Variants in ITGBL1 observed in about 807,000 individuals in gnomAD.
ITGBL1 encodes the protein integrin beta-like protein 1.
ITGBL1 carries 51 observed loss-of-function variants against 68.5 expected under a neutral mutation model. The ratio of observed to expected loss-of-function variants is 0.74; its 90% CI spans 0.59 to 0.94. The LOEUF is 0.94. Ranked by LOEUF, ITGBL1 falls within the 40% of genes least tolerant of loss-of-function variation. ITGBL1 has a pLI of 0.00. For synonymous variants in ITGBL1, 209 were observed against 227.3 expected, an observed-to-expected ratio of 0.92 and a Z score of 0.72; for missense variants, 649 against 647.4, an observed-to-expected ratio of 1.00 and a Z score of -0.03.
chr13:101,554,347 C>T (rs1038105085), intron 2 of ITGBL1, among the ~76,000 whole-genome samples: 1 of 152,132 alleles, frequency 6.6e-6, no homozygotes, highest in African/African-American at 2.4e-5. Flanking sequence ...AGACAATAAT[C>T]CTTGGGAGTA....
intron 2 of ITGBL1, among the ~76,000 whole-genome samples, chr13:101,490,575 A>G (rs1411241212): frequency 2.0e-5 from 3 of 152,208 alleles, no homozygotes; most frequent in Non-Finnish European, 2.9e-5. Context: ...GCCTGGGATT[A>G]TCTTGTGGGT....
In ITGBL1 at chr13:101,599,004, T is replaced by C. The variant is rs143796052; in HGVS notation, c.1015+705T>C. 4.0e-3 allele frequency among the ~76,000 whole-genome samples: 606 copies of C among 152,318 alleles called. 3 individuals carry two copies. Among genetic ancestry groups the C allele is most frequent in the Non-Finnish European group, 6.5e-3 (440 of 68,040 alleles). Reference sequence around the variant, plus strand: ...TTTCTAGTTCTAGATCCCTGAGGAATTGTCACACCGACTTCCACAAAGGTT... The same window carrying C: ...TTTCTAGTTCTAGATCCCTGAGGAACTGTCACACCGACTTCCACAAAGGTT... On this transcript the variant is annotated intron_variant, in intron 7 of 10. Coordinates refer to ENST00000376180, the MANE Select transcript of ITGBL1 (RefSeq NM_004791.3).
intron 6 of ITGBL1, among the ~76,000 whole-genome samples, chr13:101,597,797 C>G (rs1442218225): frequency 6.6e-6 from 1 of 152,026 alleles, no homozygotes; most frequent in African/African-American, 2.4e-5. Flanking sequence ...CGTGATCTTC[C>G]CTCCTCGCCC....
chr13:101,458,520 A>G (rs545680112), intron 2 of ITGBL1, among the ~76,000 whole-genome samples: 1 of 152,180 alleles, frequency 6.6e-6, no homozygotes, highest in Non-Finnish European at 1.5e-5. Flanking sequence ...TAAGAGTCCA[A>G]ATATAGGAGT....
chr13:101,598,029 A>T, intron 6 of ITGBL1, 124 bp from the exon 7 acceptor site: 2 of 847,882 alleles, frequency 2.4e-6, no homozygotes, highest in Non-Finnish European at 3.5e-6. Context: ...CGTTTGCCTT[A>T]ATATGTTATA....
rs975846404 is a variant in ITGBL1, at chr13:101,453,914, C to T, written c.130C>T (p.Arg44Trp). Residue 44 changes from arginine (R) to tryptophan (W), a missense_variant, in exon 2 of 11, where the codon CGG becomes TGG. By Grantham distance (101) the Arg-to-Trp change is moderately radical (BLOSUM62 -3). Transcript: ENST00000376180. ...SWPGAACRLSRAESERRCRAP... is the reference protein window; with the variant it reads ...SWPGAACRLSWAESERRCRAP... ...GCCGGGCGCCGCCTGCAGGCTGTCC[C>T]GGGCCGAGTCGGAGCGACGCTGCCG... 4 of 1,317,216 alleles carry T rather than the reference C, an allele frequency of 3.0e-6. No homozygotes were observed. Among genetic ancestry groups the T allele is most frequent in the Non-Finnish European group, 2.9e-6 (3 of 1,034,034 alleles). The allele number at this position is 1,317,216 out of a possible 1,614,324, so 81.6% of individuals were successfully genotyped here. A position where few individuals can be genotyped will look rare whatever the true frequency, so the allele number is the denominator to read the frequency against.
chr13:101,463,461 A>G (rs1244249774), intron 2 of ITGBL1, among the ~76,000 whole-genome samples: 1 of 152,240 alleles, frequency 6.6e-6, no homozygotes, highest in East Asian at 1.9e-4. Flanking sequence ...CCTGTCCCTG[A>G]AATCTGTACC....
chr13:101,665,403 A>G (rs2033191000), intron 7 of ITGBL1, among the ~76,000 whole-genome samples: 1 of 151,990 alleles, frequency 6.6e-6, no homozygotes, highest in African/African-American at 2.4e-5. Flanking sequence ...ACATAATTTT[A>G]AAAATTTATA....
chr13:101,640,108 T>A (rs973955691), intron 7 of ITGBL1, among the ~76,000 whole-genome samples: 1 of 152,168 alleles, frequency 6.6e-6, no homozygotes, highest in African/African-American at 2.4e-5. Context: ...ACACACTAAT[T>A]TTTGAATCAA....
intron 7 of ITGBL1, among the ~76,000 whole-genome samples, chr13:101,627,440 G>A (rs2031825594): frequency 6.6e-6 from 1 of 151,908 alleles, no homozygotes; most frequent in Non-Finnish European, 1.5e-5. Flanking sequence ...TACAAGTCAG[G>A]AACCTACATT....
At chr13:101,616,544 G>A (rs184036191) in intron 7 of ITGBL1, among the ~76,000 whole-genome samples, 49 of 152,094 alleles carry the variant, frequency 3.2e-4, no homozygotes, top group South Asian at 1.0e-3. Context: ...AGGCTGGAGT[G>A]CAGTGGCGCT....
At chr13:101,593,342 T>C (rs1381089728) in intron 6 of ITGBL1, among the ~76,000 whole-genome samples, 1 of 152,034 alleles carries the variant, frequency 6.6e-6, no homozygotes, top group African/African-American at 2.4e-5. Context: ...GTATAGTCAC[T>C]ATGGAAAACT....
At chr13:101,692,966 G>A (rs933269081) in intron 8 of ITGBL1, 3 of 304,312 alleles carry the variant, frequency 9.9e-6, no homozygotes, top group African/African-American at 2.2e-5. Context: ...CTTTATGATC[G>A]TGAAAGGTTT....
intron 7 of ITGBL1, among the ~76,000 whole-genome samples, chr13:101,629,408 T>A (rs549035677): frequency 6.6e-6 from 1 of 152,284 alleles, no homozygotes; most frequent in South Asian, 2.1e-4. Context: ...TAAAATACAC[T>A]GCATACAGTT....
rs1240205492 is a variant in ITGBL1 at position 101,528,274 on chromosome 13, A to G, written c.317-39425A>G. Reference sequence around the variant, plus strand: ...ATTTATTGGCATAGAGCTATTTATAATATTGTCTTATTGCCTTTATAATAT... The same window carrying G: ...ATTTATTGGCATAGAGCTATTTATAGTATTGTCTTATTGCCTTTATAATAT... On this transcript the variant is annotated intron_variant, in intron 2 of 10. Transcript: ENST00000376180. Among the ~76,000 whole-genome samples, 6 of 149,670 alleles carry G rather than the reference A, an allele frequency of 4.0e-5. No homozygotes were observed. The South Asian group carries it at 8.4e-4, about 21-fold the overall frequency.
At chr13:101,643,056 TG>T (rs1308175865) in intron 7 of ITGBL1, among the ~76,000 whole-genome samples, 1 of 148,294 alleles carries the variant, frequency 6.7e-6, no homozygotes, top group Non-Finnish European at 1.5e-5. Flanking sequence ...GGCTCTTTTT[TG>T]GTTCCATATG....
At position 101,618,784 on chromosome 13, in the gene ITGBL1, C is replaced by T. The variant is rs147632700; in HGVS notation, c.1015+20485C>T. Among the ~76,000 whole-genome samples the T allele has an allele frequency of 1.4e-3, 215 of 152,208 alleles. 1 individual carries two copies. The highest frequency in any genetic ancestry group is 4.8e-3 in the African/African-American group (200 of 41,538). Reference sequence around the variant, plus strand: ...ACAGGAGGAACATGGATTTTAGCATCGTCTAAGGTTATAGTTTTACTATGC... The same window carrying T: ...ACAGGAGGAACATGGATTTTAGCATTGTCTAAGGTTATAGTTTTACTATGC... On this transcript the variant is annotated intron_variant, in intron 7 of 10. Coordinates refer to ENST00000376180, the MANE Select transcript of ITGBL1 (RefSeq NM_004791.3).
At chr13:101,576,470 T>G (rs531821770) in intron 4 of ITGBL1, among the ~76,000 whole-genome samples, 1 of 152,292 alleles carries the variant, frequency 6.6e-6, no homozygotes, top group South Asian at 2.1e-4. Context: ...TCATTTGGTT[T>G]AGGTAAATTT....
chr13:101,497,387 C>A (rs138840308), intron 2 of ITGBL1, among the ~76,000 whole-genome samples: 1 of 152,218 alleles, frequency 6.6e-6, no homozygotes, highest in African/African-American at 2.4e-5. Flanking sequence ...GAGTAGCAGG[C>A]GATGGAGCCA....
Sources: gnomAD v4.1 joint callset for allele counts (sites outside exome capture counted in the v4.1 genomes callset) on GRCh38, gnomAD v4.1.1 for gene constraint, MANE v1.5 for transcripts, NCBI Gene and HGNC (gene_info 2026-07-23, HGNC 2026-07-21) for gene names.